ATN1: variants seen among roughly 807,000 people sequenced by gnomAD.
ATN1 encodes atrophin 1.
Under a neutral mutation model 85.8 loss-of-function variants are expected in ATN1, and 19 were observed. That is an observed-to-expected ratio of 0.22 (90% CI 0.15 to 0.32). The LOEUF (loss-of-function observed/expected upper bound fraction) is 0.32. Ranked by LOEUF, ATN1 falls within the 10% of genes least tolerant of loss-of-function variation. ATN1 has a pLI of 1.00. For missense variants in ATN1, 1,453 were observed against 1,564.5 expected, an observed-to-expected ratio of 0.93 and a Z score of 1.20; for synonymous variants, 674 against 657.0, an observed-to-expected ratio of 1.03 and a Z score of -0.39.
chr12:6,941,679 A>T lies in ATN1; in HGVS notation c.3540-68A>T. The T allele has an allele frequency of 1.3e-6, 2 of 1,588,994 alleles. No homozygotes were observed. Among genetic ancestry groups the T allele is most frequent in the Non-Finnish European group, 1.7e-6 (2 of 1,157,358 alleles). The stretch of plus-strand genomic sequence containing the variant: ...CCCCTCCTCTCCCAACCCCTTCGGT[A>T]AGAGGGGGCAAGGTCAGAGTTGGTC... On this transcript the variant is annotated intron_variant, in intron 9 of 9. Transcript: ENST00000396684. This position sits in a 1 kb window ranked among gnomAD's most constrained non-coding sequence, Gnocchi z 5.9.
Position 6,938,759 on chromosome 12 carries a change from G to T in ATN1, c.2796G>T (p.Glu932Asp). The stretch of plus-strand genomic sequence containing the variant: ...ACAGCAGTGATCCAGCTGCCCGGGA[G>T]AGGGAACGGGAAGCCCGTGAACGAG... ...ALYSSDPAAREREREARERDL... is the reference protein window; with the variant it reads ...ALYSSDPAARDREREARERDL... The change falls in exon 7 of 10, where the codon GAG becomes GAT. Residue 932 changes from glutamate to aspartate, a missense_variant. Around this residue, in one of 6 missense-constraint regions of ATN1, gnomAD observed 208 missense variants for 263.4 expected, o/e 0.79. Transcript: ENST00000396684. The T allele has an allele frequency of 1.2e-6, 2 of 1,614,064 alleles. No homozygotes were observed. The highest frequency in any genetic ancestry group is 1.7e-6 in the Non-Finnish European group (2 of 1,180,038).
intron 7 of ATN1, 84 bp from the exon 8 acceptor site, chr12:6,940,795 TC>T (rs1227871651): frequency 1.9e-5 from 29 of 1,542,794 alleles, no homozygotes; most frequent in Non-Finnish European, 2.6e-5. Context: ...CTGACTCAGT[TC>T]CCAGGCTTGG....
Position 6,938,750 on chromosome 12 carries a change from T to A in ATN1, c.2787T>A (p.Ala929=), listed in dbSNP as rs782213823. The A allele has an allele frequency of 5.6e-6, 9 of 1,614,056 alleles. No homozygotes were observed. The Admixed American group carries it at 1.3e-4, about 24-fold the overall frequency. ...CGGCCCTGTACAGCAGTGATCCAGC[T>A]GCCCGGGAGAGGGAACGGGAAGCCC... ...NVPALYSSDP[A]AREREREARE... is the part of the protein sequence containing the mutation. The change falls in exon 7 of 10, where the codon GCT becomes GCA. Residue 929 remains alanine, a synonymous_variant. Transcript: ENST00000396684.
chr12:6,931,753 G>A (rs1591659966), intron 1 of ATN1, among the ~76,000 whole-genome samples: 1 of 150,708 alleles, frequency 6.6e-6, no homozygotes, highest in East Asian at 1.9e-4. Flanking sequence ...AAACTAGTTG[G>A]CCGGGCACAG....
Position 6,939,100 on chromosome 12 carries a change from A to G in ATN1, c.3137A>G (p.Asn1046Ser), listed in dbSNP as rs782372541. 3.2e-5 allele frequency: 51 copies of G among 1,601,674 alleles called. No homozygotes were observed. The highest frequency in any genetic ancestry group is 4.5e-5 in the East Asian group (2 of 44,890). Residue 1046 changes from asparagine (N) to serine (S), a missense_variant, in exon 7 of 10, where the codon AAT (asparagine) becomes AGT (serine). By Grantham distance (46) the Asn-to-Ser change is conservative (BLOSUM62 1). Around this residue, in one of 6 missense-constraint regions of ATN1, gnomAD observed 208 missense variants for 263.4 expected, o/e 0.79. Transcript: ENST00000396684. ...NDPLARLQMLNVTPHHHQHSH... is the reference protein window; with the variant it reads ...NDPLARLQMLSVTPHHHQHSH... The stretch of plus-strand genomic sequence containing the variant: ...CCACTGGCCCGGCTGCAGATGCTCA[A>G]TGTGACTCCCCATCACCACCAGCAC...
chr12:6,925,177 C>T (rs782808685), upstream of ATN1, among the ~76,000 whole-genome samples: 9 of 150,792 alleles, frequency 6.0e-5, no homozygotes, highest in African/African-American at 2.0e-4. Context: ...TGCAGCTGGA[C>T]TATAAGCCTG....
chr12:6,936,765 C>CAGCAGCAGG lies in ATN1; in HGVS notation c.1506_1507insGAGCAGCAG (p.Gln502_His503insGluGlnGln), dbSNP rs1555143789. 2 of 1,419,552 alleles carry CAGCAGCAGG rather than the reference C, an allele frequency of 1.4e-6. No individual in the cohort carries two copies. Among genetic ancestry groups the CAGCAGCAGG allele is most frequent in the South Asian group, 2.4e-5 (2 of 83,158 alleles). The allele number at this position is 1,419,552 out of a possible 1,614,324, so 87.9% of individuals were successfully genotyped here. On this transcript the variant is annotated inframe_insertion, in exon 5 of 10. Coordinates refer to ENST00000396684, the MANE Select transcript of ATN1 (RefSeq NM_001940.4). The stretch of plus-strand genomic sequence containing the variant: ...GCAGCAGCAGCAGCAGCAGCAGCAG[C>CAGCAGCAGG]AGCAGCAGCATCACGGAAACTCTGG...
chr12:6,938,898 C>G lies in ATN1; in HGVS notation c.2935C>G (p.Leu979Val). The G allele has an allele frequency of 2.5e-6, 4 of 1,614,130 alleles. No homozygotes were observed. The highest frequency in any genetic ancestry group is 2.5e-6 in the Non-Finnish European group (3 of 1,180,024). Residue 979 changes from leucine to valine, a missense_variant, in exon 7 of 10, where the codon CTG (leucine) becomes GTG (valine). This residue lies in a region of ATN1 where 208 missense variants were observed against 263.4 expected (regional missense o/e 0.79). Coordinates refer to ENST00000396684, the MANE Select transcript of ATN1 (RefSeq NM_001940.4). The stretch of plus-strand genomic sequence containing the variant: ...CTTTCCCCGACATGGGGGCCTGGCT[C>G]TGCAGCCTGGCCCACCTGGCCTGCA... ...DPFPRHGGLA[L>V]QPGPPGLHPF...
At chr12:6,925,119 T>TGC (rs1945386457), upstream of ATN1, among the ~76,000 whole-genome samples, 2 of 140,390 alleles carry the variant, frequency 1.4e-5, no homozygotes, top group African/African-American at 5.9e-5. Flanking sequence ...TGCGTGTGCG[T>TGC]GTGTGTGTGT....
In ATN1 at chr12:6,937,740, G is replaced by A. The variant is rs782339450; in HGVS notation, c.2295-105G>A. ...CCGCAGCAGCTCACAGCCTGCAGGG[G>A]TGGTTTTGAGGCGGGGGCTACAAGC... On this transcript the variant is annotated intron_variant, in intron 5 of 9. Transcript: ENST00000396684. This position sits in a 1 kb window ranked among gnomAD's most constrained non-coding sequence, Gnocchi z 6.0. 1.4e-6 allele frequency: 2 copies of A among 1,458,332 alleles called. No individual in the cohort carries two copies. Among genetic ancestry groups the A allele is most frequent in the East Asian group, 2.5e-5 (1 of 40,068 alleles). 90.3% of individuals were successfully genotyped at this position (1,458,332 alleles called of 1,614,324 possible). A position where few individuals can be genotyped will look rare whatever the true frequency, so the allele number is the denominator to read the frequency against.
chr12:6,933,875 T>G lies in ATN1; in HGVS notation c.-127T>G. 8.9e-7 allele frequency: 1 copy of G among 1,119,030 alleles called. No individual in the cohort carries two copies. The highest frequency in any genetic ancestry group is 1.3e-6 in the Non-Finnish European group (1 of 767,510). The allele number at this position is 1,119,030 out of a possible 1,614,324, so 69.3% of individuals were successfully genotyped here. On this transcript the variant is annotated 5_prime_UTR_variant, in exon 2 of 10. Transcript: ENST00000396684. ...AAACAGATCCTGCAAAAGTTCCAGGTGCCCACACTGGAAACTTGGAGATCC... is the reference window on the plus strand; with the variant it reads ...AAACAGATCCTGCAAAAGTTCCAGGGGCCCACACTGGAAACTTGGAGATCC...
rs1237045317 is a variant in ATN1 at position 6,938,860 on chromosome 12, C to T, written c.2897C>T (p.Pro966Leu). ...GAACCCCTACATGGGGTCCCTGGGC[C>T]GGGCTTGGATCCCTTTCCCCGACAT... is the stretch of plus-strand genomic sequence containing the variant. ...ELEPLHGVPG[P>L]GLDPFPRHGG... Residue 966 changes from proline to leucine, a missense_variant, in exon 7 of 10, where the codon CCG (proline) becomes CTG (leucine). Pro to Leu is a moderately conservative substitution (Grantham distance 98). Coordinates refer to ENST00000396684, the MANE Select transcript of ATN1 (RefSeq NM_001940.4). The T allele has an allele frequency of 7.4e-6, 12 of 1,613,996 alleles. No homozygotes were observed. Among genetic ancestry groups the T allele is most frequent in the Non-Finnish European group, 9.3e-6 (11 of 1,180,022 alleles).
Position 6,937,289 on chromosome 12 carries a change from A to C in ATN1, c.2022A>C (p.Arg674=), listed in dbSNP as rs781976838. Residue 674 remains arginine (R), a synonymous_variant, in exon 5 of 10, where the codon CGA becomes CGC. Coordinates refer to ENST00000396684, the MANE Select transcript of ATN1 (RefSeq NM_001940.4). The surrounding 1 kb of genome is among the most constrained non-coding windows in gnomAD (Gnocchi z 6.0). ...GAACGGGGACCCCACCGGGCTATCG[A>C]GGAACCTCGCCACCTGCAGGCCCAG... ...SFRTGTPPGY[R]GTSPPAGPGT... 8.5e-5 allele frequency: 136 copies of C among 1,601,154 alleles called. No homozygotes were observed. The highest frequency in any genetic ancestry group is 1.1e-4 in the Non-Finnish European group (130 of 1,174,864).
chr12:6,938,377 T>C, intron 6 of ATN1, 104 bp from the exon 7 acceptor site: 5 of 1,431,956 alleles, frequency 3.5e-6, no homozygotes, highest in Non-Finnish European at 4.6e-6. Context: ...TTCAATGAGT[T>C]GAGGCATTTT....
At chr12:6,931,886 T>G (rs1213803164) in intron 1 of ATN1, among the ~76,000 whole-genome samples, 1 of 149,748 alleles carries the variant, frequency 6.7e-6, no homozygotes, top group Non-Finnish European at 1.5e-5. Flanking sequence ...ATACAAAAAA[T>G]TAGCCGGGTG....
chr12:6,939,332 C>G (rs1004369240), intron 7 of ATN1, among the ~76,000 whole-genome samples, 155 bp downstream of exon 7: 1 of 152,230 alleles, frequency 6.6e-6, no homozygotes, highest in Non-Finnish European at 1.5e-5. Context: ...CTGACGTTCT[C>G]TCAGCCTTGT....
chr12:6,938,748 G>T lies in ATN1; in HGVS notation c.2785G>T (p.Ala929Ser). Residue 929 changes from alanine to serine, a missense_variant, in exon 7 of 10, where the codon GCT becomes TCT. Physicochemically the swap from Ala to Ser is moderately conservative, Grantham distance 99. Transcript: ENST00000396684. ...NVPALYSSDP[A>S]AREREREARE... ...CCCGGCCCTGTACAGCAGTGATCCA[G>T]CTGCCCGGGAGAGGGAACGGGAAGC... The T allele has an allele frequency of 6.2e-7, 1 of 1,613,954 alleles. No homozygotes were observed. Among genetic ancestry groups the T allele is most frequent in the Non-Finnish European group, 8.5e-7 (1 of 1,180,036 alleles).
chr12:6,930,803 T>C (rs1170298780), intron 1 of ATN1, among the ~76,000 whole-genome samples: 1 of 54,418 alleles, frequency 1.8e-5, no homozygotes, highest in Non-Finnish European at 3.0e-5. Context: ...TCCGTCTCAA[T>C]AAATAAATAA....
Position 6,935,612 on chromosome 12 carries a change from T to C in ATN1, c.345T>C (p.Asp115=). 1.2e-6 allele frequency: 2 copies of C among 1,613,934 alleles called. No homozygotes were observed. Among genetic ancestry groups the C allele is most frequent in the South Asian group, 1.1e-5 (1 of 91,084 alleles). ...GCTTGGACGGGCGGAGCCTTAATGA[T>C]GATGGCAGCAGCGACCCTAGGGATA... ...LDSLDGRSLN[D]DGSSDPRDID... Residue 115 remains aspartate (D), a synonymous_variant, in exon 5 of 10, where the codon GAT becomes GAC. Coordinates refer to ENST00000396684, the MANE Select transcript of ATN1 (RefSeq NM_001940.4). The surrounding 1 kb of genome is among the most constrained non-coding windows in gnomAD (Gnocchi z 5.3).
Sources: gnomAD v4.1 joint callset for allele counts (sites outside exome capture counted in the v4.1 genomes callset) on GRCh38, gnomAD v4.1.1 for gene constraint, gnomAD v4.1.1 regional missense constraint, Gnocchi (gnomAD v3.1) non-coding constraint, MANE v1.5 for transcripts, NCBI Gene and HGNC (gene_info 2026-07-23, HGNC 2026-07-21) for gene names.